NUP210L: variants seen among roughly 807,000 people sequenced by gnomAD.
NUP210L encodes nucleoporin 210 like, also known as nuclear pore membrane glycoprotein 210-like.
Under a neutral mutation model 208.5 loss-of-function variants are expected in NUP210L, and 74 were observed. That is an observed-to-expected ratio of 0.35 (90% CI 0.29 to 0.43). The LOEUF (loss-of-function observed/expected upper bound fraction) is 0.43, where lower values mean the gene tolerates loss of function less well. Ranked by LOEUF, NUP210L falls within the 20% of genes least tolerant of loss-of-function variation. The probability of loss-of-function intolerance (pLI) is 1.00; values close to 1 mark genes in which losing one functional copy is unlikely to be tolerated. For synonymous variants in NUP210L, 780 were observed against 816.9 expected (o/e 0.95, Z 0.77); for missense variants, 1,843 against 2,289.4 (o/e 0.81, Z 3.98).
At chr1:154,024,817 T>G (rs923298876) in intron 30 of NUP210L, among the ~76,000 whole-genome samples, 1 of 139,068 alleles carries the variant, frequency 7.2e-6, no homozygotes, top group African/African-American at 2.7e-5. Context: ...CAGGCGTGAG[T>G]CACCCAGCCC....
chr1:154,082,007 A>C (rs1395714613), intron 16 of NUP210L, among the ~76,000 whole-genome samples: 1 of 152,162 alleles, frequency 6.6e-6, no homozygotes, highest in Non-Finnish European at 1.5e-5. Flanking sequence ...TGGACACCAA[A>C]ACTCAGTGGA....
intron 27 of NUP210L, among the ~76,000 whole-genome samples, chr1:154,030,379 C>T (rs985127110): frequency 1.3e-5 from 2 of 152,006 alleles, no homozygotes; most frequent in Non-Finnish European, 2.9e-5. Context: ...CTCACTGCAG[C>T]CTCGACCTCC....
At chr1:154,138,268 AC>A in intron 5 of NUP210L, 30 bp from the exon 6 acceptor site, 1 of 1,420,448 alleles carries the variant, frequency 7.0e-7, no homozygotes, top group Non-Finnish European at 9.4e-7. Flanking sequence ...AAAAAAAAAA[AC>A]AGTTTCCATG....
chr1:154,005,140 C>T (rs981543352), intron 35 of NUP210L, among the ~76,000 whole-genome samples: 4 of 151,788 alleles, frequency 2.6e-5, no homozygotes, highest in Non-Finnish European at 4.4e-5. Flanking sequence ...CATGAGCCAC[C>T]GTGCCCGGCC....
intron 6 of NUP210L, among the ~76,000 whole-genome samples, chr1:154,136,736 T>C (rs1275936236): frequency 6.6e-6 from 1 of 151,276 alleles, no homozygotes; most frequent in South Asian, 2.1e-4. Context: ...CTGGGCAACA[T>C]GGTGAAACCC....
intron 10 of NUP210L, 145 bp downstream of exon 10, chr1:154,126,178 G>A: frequency 3.1e-6 from 2 of 640,902 alleles, no homozygotes; most frequent in Admixed American, 3.1e-5. Flanking sequence ...ATTTGTAGAG[G>A]TATACACTTA....
intron 2 of NUP210L, among the ~76,000 whole-genome samples, chr1:154,144,047 T>G (rs1443438712): frequency 6.6e-6 from 1 of 151,956 alleles, no homozygotes; most frequent in Admixed American, 6.6e-5. Context: ...CCTGGAGTGG[T>G]GGCGGGCACC....
intron 9 of NUP210L, 96 bp from the exon 10 acceptor site, chr1:154,126,559 T>G: frequency 9.4e-7 from 1 of 1,067,114 alleles, no homozygotes; most frequent in Non-Finnish European, 1.3e-6. Context: ...TAGCTATGCA[T>G]TCATGGAATA....
At chr1:154,118,734 A>C (rs775756805) in exon 11 of NUP210L, 1 of 1,603,728 alleles carries the variant, frequency 6.2e-7, no homozygotes, top group South Asian at 1.1e-5. Context: ...ATTTGGGTGT[A>C]AGCATGATGG....
rs34933362 is a variant in NUP210L, at chr1:153,997,693, G to GTT, written c.5387-2515_5387-2514dup. 2.5e-3 allele frequency among the ~76,000 whole-genome samples: 293 copies of GTT among 117,658 alleles called. 5 individuals are homozygous for GTT. The highest frequency in any genetic ancestry group is 6.8e-3 in the Admixed American group (71 of 10,390). The allele number at this position is 117,658 out of a possible 152,430, so 77.2% of individuals were successfully genotyped here. A position where few individuals can be genotyped will look rare whatever the true frequency, so the allele number is the denominator to read the frequency against. On this transcript the variant is annotated intron_variant, in intron 37 of 39. Coordinates refer to ENST00000368559, the Ensembl canonical transcript of NUP210L. ...GCCCAGGCTGGTGATTACTGTATTT[G>GTT]TTTTTTTTTTTTTTTTTGAGACAGA...
exon 22 of NUP210L, chr1:154,058,205 GTCT>G (rs1386997665): frequency 2.3e-5 from 37 of 1,613,984 alleles, no homozygotes; most frequent in Non-Finnish European, 3.1e-5. Context: ...ACACAGTTTT[GTCT>G]ATTTCAACCT....
At chr1:154,055,131 CTTTCTTTCTTTCTTTCT>C (rs1302221002) in intron 23 of NUP210L, among the ~76,000 whole-genome samples, 1 of 55,576 alleles carries the variant, frequency 1.8e-5, no homozygotes, top group African/African-American at 4.7e-5. Flanking sequence ...TCTTTTCTTT[CTTTCTTTCTTTCTTTCT>C]TTCTTTCTTT....
chr1:154,037,062 C>T lies in NUP210L; in HGVS notation c.3697-7008G>A, dbSNP rs532392977. 3.9e-5 allele frequency among the ~76,000 whole-genome samples: 6 copies of T among 152,254 alleles called. No homozygotes were observed. The South Asian group carries it at 1.2e-3, about 32-fold the overall frequency. On this transcript the variant is annotated intron_variant, in intron 27 of 39. Transcript: ENST00000368559. ...TACAAGCAAGAGCCACAATGACTGG[C>T]CAAAATTTTTTTAATTTTTAAAAAC... is the stretch of plus-strand genomic sequence containing the variant.
At chr1:154,097,597 T>C (rs1439009579) in intron 14 of NUP210L, among the ~76,000 whole-genome samples, 2 of 152,222 alleles carry the variant, frequency 1.3e-5, no homozygotes, top group Admixed American at 6.6e-5. Context: ...ATTTAATATA[T>C]ATGCTACACA....
chr1:154,121,397 AG>A (rs1657609018), intron 10 of NUP210L, among the ~76,000 whole-genome samples: 1 of 152,184 alleles, frequency 6.6e-6, no homozygotes, highest in Non-Finnish European at 1.5e-5. Context: ...CTAGACTAAA[AG>A]ATGGCCCCCA....
intron 12 of NUP210L, among the ~76,000 whole-genome samples, chr1:154,115,637 A>G (rs1240669579): frequency 6.6e-6 from 1 of 152,162 alleles, no homozygotes; most frequent in Non-Finnish European, 1.5e-5. Context: ...TATCTCACAT[A>G]TCATTTTCTT....
At chr1:154,012,055 G>A (rs1239845471) in intron 34 of NUP210L, among the ~76,000 whole-genome samples, 189 bp downstream of exon 34, 1 of 152,112 alleles carries the variant, frequency 6.6e-6, no homozygotes, top group East Asian at 1.9e-4. Context: ...TGACTAGGAT[G>A]AGCCTATTTT....
chr1:153,995,032 A>G, intron 38 of NUP210L, 44 bp downstream of exon 38: 1 of 1,114,100 alleles, frequency 9.0e-7, no homozygotes. Context: ...AAAAAAAGGC[A>G]GTTTTCATGT....
chr1:154,144,455 C>T (rs752515569), intron 2 of NUP210L, among the ~76,000 whole-genome samples: 16 of 152,130 alleles, frequency 1.1e-4, no homozygotes, highest in Non-Finnish European at 2.1e-4. Flanking sequence ...ATTAAAAAGC[C>T]TGGGAACCAC....
Sources: gnomAD v4.1 joint callset for allele counts (sites outside exome capture counted in the v4.1 genomes callset) on GRCh38, gnomAD v4.1.1 for gene constraint, MANE v1.5 for transcripts, NCBI Gene and HGNC (gene_info 2026-07-23, HGNC 2026-07-21) for gene names.